The following LRCH3 variants were observed in gnomAD, a reference collection of about 807,000 sequenced individuals.
LRCH3 encodes leucine rich repeats and calponin homology domain containing 3.
A neutral mutation model predicts 104.5 loss-of-function variants in LRCH3; 68 were observed. That is an observed-to-expected ratio of 0.65 (90% CI 0.54 to 0.80). The LOEUF (loss-of-function observed/expected upper bound fraction) is 0.80. Ranked by LOEUF, LRCH3 falls within the 30% of genes least tolerant of loss-of-function variation. The pLI, the probability that LRCH3 is intolerant of heterozygous loss-of-function variation, is 0.00. For synonymous variants in LRCH3, 344 were observed against 361.3 expected (o/e 0.95, Z 0.54); for missense variants, 951 against 953.9 (o/e 1.00, Z 0.04).
intron 19 of LRCH3, 71 bp downstream of exon 19, chr3:197,871,533 T>G (rs1328408331): frequency 6.3e-7 from 1 of 1,587,800 alleles, no homozygotes. Context: ...CAGACATTTC[T>G]TAAGCATTGT....
At chr3:197,808,800 A>AG (rs1456844937) in intron 1 of LRCH3, among the ~76,000 whole-genome samples, 1 of 152,108 alleles carries the variant, frequency 6.6e-6, no homozygotes, top group Non-Finnish European at 1.5e-5. Context: ...GCTACCTGGA[A>AG]GGCTGAGGTG....
At chr3:197,866,250 C>A in intron 17 of LRCH3, 31 bp downstream of exon 17, 1 of 1,531,964 alleles carries the variant, frequency 6.5e-7, no homozygotes, top group Non-Finnish European at 9.0e-7. Flanking sequence ...AAGCCAGGAG[C>A]GAGGGGAGGT....
intron 4 of LRCH3, among the ~76,000 whole-genome samples, chr3:197,821,820 A>G (rs1308059016): frequency 6.6e-6 from 1 of 152,116 alleles, no homozygotes; most frequent in Admixed American, 6.5e-5. Flanking sequence ...GACTACAGGC[A>G]CTTGCCACCA....
chr3:197,799,137 G>C (rs1731594183), intron 1 of LRCH3, among the ~76,000 whole-genome samples: 1 of 152,176 alleles, frequency 6.6e-6, no homozygotes, highest in Non-Finnish European at 1.5e-5. Flanking sequence ...AGCAGTGCTG[G>C]GGCTGAGGAG....
chr3:197,849,013 C>T (rs888024384), intron 12 of LRCH3, among the ~76,000 whole-genome samples: 5 of 152,118 alleles, frequency 3.3e-5, no homozygotes, highest in South Asian at 2.1e-4. Flanking sequence ...CCTGTAGTCC[C>T]GGCACTTTGA....
intron 20 of LRCH3, among the ~76,000 whole-genome samples, chr3:197,879,569 C>T (rs1405421172): frequency 6.6e-6 from 1 of 151,888 alleles, no homozygotes; most frequent in Non-Finnish European, 1.5e-5. Context: ...TGGCGGGAAC[C>T]CGGGAGGCGG....
At chr3:197,834,549 G>T (rs1395312294) in intron 8 of LRCH3, among the ~76,000 whole-genome samples, 3 of 151,992 alleles carry the variant, frequency 2.0e-5, no homozygotes, top group Non-Finnish European at 4.4e-5. Flanking sequence ...TTTGTGTGTG[G>T]CCTTTGACTT....
intron 1 of LRCH3, among the ~76,000 whole-genome samples, chr3:197,809,002 A>AT (rs918294243): frequency 2.3e-4 from 34 of 147,960 alleles, no homozygotes; most frequent in South Asian, 1.9e-3. Context: ...TGCTTTCAAT[A>AT]TTTTTTTTTT....
intron 8 of LRCH3, 41 bp from the exon 9 acceptor site, chr3:197,835,633 T>TGGTGTGTGTGTGTGTGTG: frequency 7.0e-7 from 1 of 1,436,152 alleles, no homozygotes; most frequent in Middle Eastern, 2.0e-4. Context: ...TGTTTTTTTC[T>TGGTGTGTGTGTGTGTGTG]GGTGTGTGTG....
chr3:197,854,590 C>A lies in LRCH3; in HGVS notation c.1644+145C>A. ...GAACTAAACCATTTTCCCACATGACCATTTGTGATTGACCCAGTGTTTCAA... is the reference window on the plus strand; with the variant it reads ...GAACTAAACCATTTTCCCACATGACAATTTGTGATTGACCCAGTGTTTCAA... On this transcript the variant is annotated intron_variant, in intron 14 of 20. Coordinates refer to ENST00000425562, the MANE Select transcript of LRCH3 (RefSeq NM_001365715.1). This position sits in a 1 kb window ranked among gnomAD's most constrained non-coding sequence, Gnocchi z 4.5. 1.3e-6 allele frequency: 1 copy of A among 783,578 alleles called. No homozygotes were observed. The allele number at this position is 783,578 out of a possible 1,614,324, so 48.5% of individuals were successfully genotyped here.
At chr3:197,812,482 T>C (rs1733239601) in intron 1 of LRCH3, among the ~76,000 whole-genome samples, 2 of 148,510 alleles carry the variant, frequency 1.3e-5, no homozygotes, top group Non-Finnish European at 3.0e-5. Context: ...CCTACAAATA[T>C]CTGTTCAAGT....
At chr3:197,852,503 T>C in intron 12 of LRCH3, 58 bp from the exon 13 acceptor site, 1 of 1,442,096 alleles carries the variant, frequency 6.9e-7, no homozygotes, top group Admixed American at 1.9e-5. Flanking sequence ...AATTTGTTAT[T>C]TGCAGTGTTC....
chr3:197,832,086 T>C, intron 7 of LRCH3, 111 bp from the exon 8 acceptor site: 3 of 1,094,598 alleles, frequency 2.7e-6, no homozygotes, highest in Non-Finnish European at 3.8e-6. Context: ...GCTAATTTAC[T>C]CCTGGCCTCA....
chr3:197,871,069 A>T (rs1172585186), intron 18 of LRCH3, among the ~76,000 whole-genome samples: 1 of 152,110 alleles, frequency 6.6e-6, no homozygotes, highest in Non-Finnish European at 1.5e-5. Flanking sequence ...TTGGAATTGA[A>T]GGAGAATCTA....
Position 197,791,528 on chromosome 3 carries a change from A to G in LRCH3, c.250A>G (p.Thr84Ala), listed in dbSNP as rs1305198684. The G allele has an allele frequency of 3.8e-6, 6 of 1,587,486 alleles. No individual in the cohort carries two copies. The African/African-American group carries it at 4.1e-5, about 11-fold the overall frequency. Residue 84 changes from threonine (T) to alanine (A), a missense_variant, in exon 1 of 21, where the codon ACC becomes GCC. Thr to Ala is a moderately conservative substitution (Grantham distance 58). Coordinates refer to ENST00000425562, the MANE Select transcript of LRCH3 (RefSeq NM_001365715.1). ...AGCGGCCAACCACGACCTGACGGAC[A>G]CCACCCGGGCGGGTGAGCGGGGCGG... ...RGAANHDLTD[T>A]TRADLSRNRL...
chr3:197,809,582 CTT>C (rs1008983445), intron 1 of LRCH3, among the ~76,000 whole-genome samples: 23 of 146,494 alleles, frequency 1.6e-4, no homozygotes, highest in African/African-American at 5.5e-4. Context: ...TCTGTTCAGT[CTT>C]TTTTTTTTTT....
intron 15 of LRCH3, chr3:197,859,244 A>G (rs922875889): frequency 2.6e-5 from 6 of 229,688 alleles, no homozygotes; most frequent in Admixed American, 2.1e-4. Context: ...ATGCAAAATA[A>G]TTTGAGTCCA....
intron 10 of LRCH3, among the ~76,000 whole-genome samples, chr3:197,844,234 C>G (rs1286120496): frequency 6.6e-6 from 1 of 152,062 alleles, no homozygotes; most frequent in Non-Finnish European, 1.5e-5. Context: ...TTTCAGGTAC[C>G]TACAAGACAT....
intron 5 of LRCH3, 36 bp downstream of exon 5, chr3:197,827,050 G>A (rs370413852): frequency 1.2e-6 from 2 of 1,607,322 alleles, no homozygotes; most frequent in African/African-American, 1.3e-5. Flanking sequence ...AAACCATGGT[G>A]GAAGCATCAG....
Sources: gnomAD v4.1 joint callset for allele counts (sites outside exome capture counted in the v4.1 genomes callset) on GRCh38, gnomAD v4.1.1 for gene constraint, Gnocchi (gnomAD v3.1) non-coding constraint, MANE v1.5 for transcripts, NCBI Gene and HGNC (gene_info 2026-07-23, HGNC 2026-07-21) for gene names.